Variants in AQP9 observed in about 807,000 individuals in gnomAD.
AQP9 encodes aquaporin-9.
AQP9 carries 19 observed loss-of-function variants against 23.8 expected under a neutral mutation model. The observed-to-expected ratio is 0.80, with a 90% confidence interval of 0.56 to 1.17. AQP9 has a LOEUF of 1.17. Ranked by LOEUF, AQP9 falls within the 50% of genes most tolerant of loss-of-function variation. The pLI, the probability that AQP9 is intolerant of heterozygous loss-of-function variation, is 0.00. For missense variants in AQP9, 413 were observed against 362.0 expected, an observed-to-expected ratio of 1.14 and a Z score of -1.14; for synonymous variants, 153 against 131.5, an observed-to-expected ratio of 1.16 and a Z score of -1.12.
chr15:58,181,475 T>C (rs534660549), intron 5 of AQP9, among the ~76,000 whole-genome samples: 95 of 152,288 alleles, frequency 6.2e-4, no homozygotes, highest in Admixed American at 1.3e-3. Flanking sequence ...GGAGTGGAAG[T>C]GGGAACATTT....
At chr15:58,141,110 C>T (rs1168023162) in intron 1 of AQP9, among the ~76,000 whole-genome samples, 1 of 152,194 alleles carries the variant, frequency 6.6e-6, no homozygotes, top group Non-Finnish European at 1.5e-5. Context: ...TTCACCTTTA[C>T]TAGTGTGGGG....
At chr15:58,169,449 G>A (rs1307093290) in intron 2 of AQP9, among the ~76,000 whole-genome samples, 3 of 152,184 alleles carry the variant, frequency 2.0e-5, no homozygotes, top group Non-Finnish European at 4.4e-5. Flanking sequence ...TGACATCTGT[G>A]TGGACAACAG....
intron 2 of AQP9, among the ~76,000 whole-genome samples, chr15:58,170,817 T>C (rs1898603607): frequency 6.6e-6 from 1 of 152,214 alleles, no homozygotes; most frequent in Non-Finnish European, 1.5e-5. Context: ...AACAGAAACC[T>C]ACTTATGGGA....
chr15:58,140,197 CTT>C (rs67540225), intron 1 of AQP9, among the ~76,000 whole-genome samples: 133 of 131,534 alleles, frequency 1.0e-3, no homozygotes, highest in Middle Eastern at 3.9e-3. Context: ...AACTACACAT[CTT>C]TTTTTTTTTT....
intron 1 of AQP9, chr15:58,153,618 T>C (rs548592642): frequency 6.6e-6 from 1 of 152,280 alleles, no homozygotes; most frequent in African/African-American, 2.4e-5. Context: ...ATGTTCAGGA[T>C]CCATCATCCA....
intron 1 of AQP9, chr15:58,154,082 T>C (rs1415178061): frequency 6.6e-6 from 1 of 152,174 alleles, no homozygotes; most frequent in Non-Finnish European, 1.5e-5. Flanking sequence ...GGCCTCTTAC[T>C]AGCAATAGAA....
chr15:58,154,334 T>A (rs1414639037), intron 1 of AQP9: 1 of 152,142 alleles, frequency 6.6e-6, no homozygotes, highest in Non-Finnish European at 1.5e-5. Flanking sequence ...CCAAAAGGCC[T>A]AATGAAACTC....
intron 1 of AQP9, chr15:58,155,003 G>C (rs1246130366): frequency 6.6e-6 from 1 of 152,162 alleles, no homozygotes; most frequent in Admixed American, 6.5e-5. Context: ...AAAATTATTA[G>C]TCATTCATTC....
At chr15:58,162,097 A>C (rs1295821224) in intron 1 of AQP9, among the ~76,000 whole-genome samples, 1 of 152,250 alleles carries the variant, frequency 6.6e-6, no homozygotes, top group Admixed American at 6.5e-5. Context: ...ATGGCAATAG[A>C]AGCCATGAGT....
chr15:58,153,699 TC>T (rs1179569045), intron 1 of AQP9: 2 of 152,160 alleles, frequency 1.3e-5, no homozygotes, highest in Non-Finnish European at 2.9e-5. Context: ...CACTTCCTCC[TC>T]CCTTATCATT....
At chr15:58,164,396 T>G (rs1447315050) in intron 1 of AQP9, among the ~76,000 whole-genome samples, 1 of 152,220 alleles carries the variant, frequency 6.6e-6, no homozygotes, top group East Asian at 1.9e-4. Flanking sequence ...TATTGTTTTA[T>G]TCCTCATTTT....
At chr15:58,175,764 T>G (rs533251146) in intron 4 of AQP9, among the ~76,000 whole-genome samples, 2 of 152,220 alleles carry the variant, frequency 1.3e-5, no homozygotes, top group Non-Finnish European at 2.9e-5. Flanking sequence ...TGGGCATGTG[T>G]ATAAAATGGA....
intron 2 of AQP9, among the ~76,000 whole-genome samples, chr15:58,170,594 A>T (rs1198883123): frequency 6.6e-6 from 1 of 151,932 alleles, no homozygotes; most frequent in African/African-American, 2.4e-5. Context: ...TAGTAGAGAC[A>T]GGGTTTCACC....
At chr15:58,161,757 T>C (rs1898387903) in intron 1 of AQP9, among the ~76,000 whole-genome samples, 1 of 152,240 alleles carries the variant, frequency 6.6e-6, no homozygotes, top group South Asian at 2.1e-4. Context: ...TTTCTCTTTG[T>C]TGTTTAAATA....
rs1898830946 is a variant in AQP9 at position 58,179,328 on chromosome 15, G to A, written c.696G>A (p.Trp232Ter). 1 of 1,612,882 alleles carries A rather than the reference G, an allele frequency of 6.2e-7. No individual in the cohort carries two copies. The highest frequency in any genetic ancestry group is 8.5e-7 in the Non-Finnish European group (1 of 1,179,534). Residue 232 changes from tryptophan (W) to a stop codon, truncating the protein, a stop_gained, in exon 5 of 6, where the codon TGG (tryptophan) becomes TGA (stop). Transcript: ENST00000219919. LOFTEE classifies it low-confidence loss of function (END_TRUNC). The part of the protein sequence containing the change: ...SPRLFTALAG[W>*]GFEVFRAGNN... The stretch of plus-strand genomic sequence containing the variant: ...GACTTTTCACTGCCTTGGCAGGCTG[G>A]GGGTTTGAAGTCTTCAGGTAAGTAA...
chr15:58,180,582 T>C (rs149178081), intron 5 of AQP9, among the ~76,000 whole-genome samples: 2 of 152,048 alleles, frequency 1.3e-5, no homozygotes, highest in South Asian at 2.1e-4. Flanking sequence ...TTCCTAGGAG[T>C]TGAAGGATGC....
chr15:58,167,330 T>C (rs1898531414), intron 2 of AQP9, among the ~76,000 whole-genome samples: 2 of 152,138 alleles, frequency 1.3e-5, no homozygotes, highest in South Asian at 4.1e-4. Flanking sequence ...AAAAGCAAAA[T>C]GAAATGATAA....
chr15:58,179,297 G>GTCCCAGACTT lies in AQP9; in HGVS notation c.667_676dup (p.Phe226SerfsTer13). 1 of 1,614,082 alleles carries GTCCCAGACTT rather than the reference G, an allele frequency of 6.2e-7. No homozygotes were observed. The highest frequency in any genetic ancestry group is 8.5e-7 in the Non-Finnish European group (1 of 1,179,998). ...GCCATGAACCCAGCTCGAGACCTGA[G>GTCCCAGACTT]TCCCAGACTTTTCACTGCCTTGGCA... On this transcript the variant is annotated frameshift_variant, in exon 5 of 6. Coordinates refer to ENST00000219919, the MANE Select transcript of AQP9 (RefSeq NM_020980.5). LOFTEE classifies it high-confidence loss of function.
chr15:58,159,193 GT>G (rs1239261286), intron 1 of AQP9, among the ~76,000 whole-genome samples: 1 of 152,102 alleles, frequency 6.6e-6, no homozygotes, highest in Non-Finnish European at 1.5e-5. Flanking sequence ...TCATGGCTCA[GT>G]TGAGAACTGC....
Sources: gnomAD v4.1 joint callset for allele counts (sites outside exome capture counted in the v4.1 genomes callset) on GRCh38, gnomAD v4.1.1 for gene constraint, MANE v1.5 for transcripts, NCBI Gene and HGNC (gene_info 2026-07-23, HGNC 2026-07-21) for gene names.